The following EPB41L5 variants were observed in gnomAD, a reference collection of about 807,000 sequenced individuals.
EPB41L5 encodes the protein band 4.1-like protein 5.
A neutral mutation model predicts 106.6 loss-of-function variants in EPB41L5; 55 were observed. That is an observed-to-expected ratio of 0.52 (90% confidence interval 0.42 to 0.65). The LOEUF (loss-of-function observed/expected upper bound fraction) is 0.65. Ranked by LOEUF, EPB41L5 falls within the 30% of genes least tolerant of loss-of-function variation. The pLI, the probability that EPB41L5 is intolerant of heterozygous loss-of-function variation, is 0.00. For synonymous variants in EPB41L5, 297 were observed against 306.7 expected, an observed-to-expected ratio of 0.97 and a Z score of 0.33; for missense variants, 871 against 882.1, an observed-to-expected ratio of 0.99 and a Z score of 0.16.
intron 24 of EPB41L5, among the ~76,000 whole-genome samples, chr2:120,168,349 C>T (rs760390696): frequency 1.3e-5 from 2 of 152,036 alleles, no homozygotes; most frequent in Non-Finnish European, 2.9e-5. Context: ...ATGATGGTGC[C>T]CGTCAACACA....
chr2:120,109,153 C>T (rs1019881739), intron 16 of EPB41L5, among the ~76,000 whole-genome samples: 2 of 152,164 alleles, frequency 1.3e-5, no homozygotes, highest in Admixed American at 6.5e-5. Flanking sequence ...GACCCTCTTC[C>T]TGTTGTATGC....
intron 16 of EPB41L5, among the ~76,000 whole-genome samples, chr2:120,103,323 T>C (rs1481532723): frequency 3.3e-5 from 5 of 152,216 alleles, no homozygotes; most frequent in African/African-American, 1.2e-4. Flanking sequence ...TGTTTCACTC[T>C]TAGAATTCTA....
Position 120,019,230 on chromosome 2 carries a change from T to G in EPB41L5, c.146T>G (p.Leu49Arg). The change falls in exon 2 of 25, where the codon CTT becomes CGT. Residue 49 changes from leucine to arginine, a missense_variant. Leu to Arg is a moderately radical substitution (Grantham distance 102). Coordinates refer to ENST00000263713, the MANE Select transcript of EPB41L5 (RefSeq NM_020909.4). ...TCCATCATCACGTGTCGGGTGTCCC[T>G]TCTGGATGGTACTGATGTTAGTGTG... is the stretch of plus-strand genomic sequence containing the variant. ...SKSIITCRVS[L>R]LDGTDVSVDL... The G allele has an allele frequency of 6.2e-7, 1 of 1,613,942 alleles. No individual in the cohort carries two copies. The highest frequency in any genetic ancestry group is 8.5e-7 in the Non-Finnish European group (1 of 1,179,962).
chr2:120,066,598 C>T (rs913211657), intron 3 of EPB41L5, among the ~76,000 whole-genome samples: 2 of 152,104 alleles, frequency 1.3e-5, no homozygotes, highest in African/African-American at 2.4e-5. Flanking sequence ...ATAATGATTT[C>T]TAGGTGTAGA....
chr2:120,151,309 T>A lies in EPB41L5; in HGVS notation c.1793+5020T>A, dbSNP rs570375803. ...AGCGAGACTCCATCTCAAAAAATAA[T>A]AATAATAATAATAATGCAGAAAAAA... On this transcript the variant is annotated intron_variant, in intron 20 of 24. Transcript: ENST00000263713. Among the ~76,000 whole-genome samples the A allele has an allele frequency of 2.8e-3, 428 of 151,486 alleles. 2 individuals carry two copies. Among genetic ancestry groups the A allele is most frequent in the Admixed American group, 3.9e-3 (60 of 15,198 alleles).
chr2:120,091,456 T>C (rs1683405714), intron 12 of EPB41L5, 99 bp from the exon 13 acceptor site: 1 of 763,122 alleles, frequency 1.3e-6, no homozygotes, highest in Admixed American at 2.3e-5. Context: ...AAGTTTAGGA[T>C]GATTCTTTTA....
At chr2:120,129,166 C>A (rs1685590611) in intron 17 of EPB41L5, among the ~76,000 whole-genome samples, 1 of 151,916 alleles carries the variant, frequency 6.6e-6, no homozygotes, top group Non-Finnish European at 1.5e-5. Context: ...CACATGTGCT[C>A]CCTGAATCTA....
chr2:120,047,986 C>T (rs1470961396), intron 3 of EPB41L5, among the ~76,000 whole-genome samples: 2 of 152,126 alleles, frequency 1.3e-5, no homozygotes, highest in Non-Finnish European at 2.9e-5. Context: ...TATGTTGAAC[C>T]AGCCTTGCGA....
At chr2:120,073,348 AT>A in intron 4 of EPB41L5, 128 bp downstream of exon 4, 1 of 825,446 alleles carries the variant, frequency 1.2e-6, no homozygotes, top group Non-Finnish European at 1.9e-6. Context: ...TCTAGAAATT[AT>A]TTTATTCTGA....
intron 3 of EPB41L5, among the ~76,000 whole-genome samples, chr2:120,058,313 G>T (rs1022167202): frequency 2.6e-5 from 4 of 152,056 alleles, no homozygotes; most frequent in African/African-American, 9.7e-5. Context: ...AGCCTCCCAA[G>T]TAGGTAGGAC....
intron 3 of EPB41L5, among the ~76,000 whole-genome samples, chr2:120,057,749 T>A (rs2105270703): frequency 6.6e-6 from 1 of 151,744 alleles, no homozygotes; most frequent in Admixed American, 6.6e-5. Context: ...GAAACACTTT[T>A]TTTTTGCTGT....
At chr2:120,106,179 T>C in intron 16 of EPB41L5, 1 of 985,376 alleles carries the variant, frequency 1.0e-6, no homozygotes, top group Non-Finnish European at 1.2e-6. Context: ...AAAACCTTGT[T>C]GTAAAGAATT....
intron 1 of EPB41L5, 166 bp downstream of exon 1, chr2:120,013,376 G>A (rs2105095105): frequency 6.6e-6 from 1 of 152,228 alleles, no homozygotes; most frequent in African/African-American, 2.4e-5. Flanking sequence ...CGGGCCGGCA[G>A]GGCATTAATC....
At chr2:120,165,967 C>CAAAAAAAAA (rs536664071) in intron 22 of EPB41L5, among the ~76,000 whole-genome samples, 7 of 27,998 alleles carry the variant, frequency 2.5e-4, no homozygotes, top group Non-Finnish European at 3.5e-4. Flanking sequence ...GACTCCGTCT[C>CAAAAAAAAA]AAAAAAAAAA....
chr2:120,176,137 T>C lies in EPB41L5; in HGVS notation c.*1230T>C, dbSNP rs1025568619. 5 of 152,768 alleles carry C rather than the reference T, an allele frequency of 3.3e-5. No individual in the cohort carries two copies. In the East Asian group the frequency reaches 9.6e-4, roughly 29 times the overall value. 9.5% of individuals were successfully genotyped at this position (152,768 alleles called of 1,614,324 possible). A position where few individuals can be genotyped will look rare whatever the true frequency, so the allele number is the denominator to read the frequency against. On this transcript the variant is annotated 3_prime_UTR_variant, in exon 25 of 25. Coordinates refer to ENST00000263713, the MANE Select transcript of EPB41L5 (RefSeq NM_020909.4). ...TAGCAATGTCCATCTGTAATTCTAA[T>C]ACCCAGAAATAACGCTATTTAGCTT...
intron 18 of EPB41L5, among the ~76,000 whole-genome samples, chr2:120,141,206 T>C (rs1290031424): frequency 6.6e-6 from 1 of 152,158 alleles, no homozygotes; most frequent in Non-Finnish European, 1.5e-5. Context: ...ATAAATACTG[T>C]GTGGAATTCG....
intron 2 of EPB41L5, among the ~76,000 whole-genome samples, chr2:120,037,819 G>A (rs2105194546): frequency 6.6e-6 from 1 of 152,310 alleles, no homozygotes; most frequent in South Asian, 2.1e-4. Context: ...AACAAATGGT[G>A]ATGAGAAAAC....
At chr2:120,061,315 C>T (rs1164759487) in intron 3 of EPB41L5, among the ~76,000 whole-genome samples, 63 of 148,806 alleles carry the variant, frequency 4.2e-4, no homozygotes, top group African/African-American at 1.4e-3. Context: ...CTCCGCCTCC[C>T]GGGTTCACGC....
At chr2:120,086,158 G>A (rs1034958159) in intron 10 of EPB41L5, among the ~76,000 whole-genome samples, 3 of 152,242 alleles carry the variant, frequency 2.0e-5, no homozygotes, top group East Asian at 1.9e-4. Context: ...CCAAGATCAC[G>A]CCACTGCACT....
Sources: allele counts gnomAD v4.1 joint callset (sites outside exome capture counted in the v4.1 genomes callset), GRCh38; gene constraint gnomAD v4.1.1; transcripts MANE v1.5; gene names NCBI Gene and HGNC (gene_info 2026-07-23, HGNC 2026-07-21).